MAPT: variants seen among roughly 807,000 people sequenced by gnomAD.
The protein encoded by MAPT is microtubule-associated protein tau.
In MAPT, 34 loss-of-function variants were observed where a neutral mutation model predicts 67.9. The ratio of observed to expected loss-of-function variants is 0.50; its 90% CI spans 0.38 to 0.67. The LOEUF (loss-of-function observed/expected upper bound fraction) is 0.67. MAPT is among the 30% of genes least tolerant of loss of function. MAPT has a pLI of 0.00. For missense variants in MAPT, 881 were observed against 1,115.2 expected (o/e 0.79, Z 2.99); for synonymous variants, 456 against 464.5 (o/e 0.98, Z 0.23).
intron 1 of MAPT, among the ~76,000 whole-genome samples, chr17:45,956,077 G>A (rs2069620918): frequency 6.6e-6 from 1 of 152,192 alleles, no homozygotes; most frequent in Admixed American, 6.5e-5. Flanking sequence ...CATTGAGAAC[G>A]GCTGAGACGC....
At chr17:46,005,690 C>T (rs549237358) in intron 9 of MAPT, among the ~76,000 whole-genome samples, 15 of 152,270 alleles carry the variant, frequency 9.9e-5, no homozygotes, top group East Asian at 3.9e-4. Context: ...GTGCAGAGGG[C>T]GACAGTGACT....
chr17:45,981,496 T>C (rs2072943240), intron 4 of MAPT, among the ~76,000 whole-genome samples: 1 of 152,196 alleles, frequency 6.6e-6, no homozygotes, highest in African/African-American at 2.4e-5. Context: ...GGGCCGTCAC[T>C]GTCTGCCGTG....
At chr17:45,904,372 T>G (rs1432931097) in intron 1 of MAPT, among the ~76,000 whole-genome samples, 2 of 104,612 alleles carry the variant, frequency 1.9e-5, no homozygotes. Flanking sequence ...ATATTAAATA[T>G]ATTTTATATA....
intron 1 of MAPT, among the ~76,000 whole-genome samples, chr17:45,948,894 T>C (rs1303170368): frequency 3.3e-5 from 5 of 152,202 alleles, no homozygotes; most frequent in Non-Finnish European, 7.3e-5. Context: ...AAAAATTACC[T>C]TGGAGAACAA....
At chr17:46,016,188 T>C (rs2076165528) in intron 11 of MAPT, among the ~76,000 whole-genome samples, 2 of 152,036 alleles carry the variant, frequency 1.3e-5, no homozygotes. Context: ...GGTCAGGAGT[T>C]GGAGATCAGC....
At chr17:45,938,055 G>A (rs2067513565) in intron 1 of MAPT, among the ~76,000 whole-genome samples, 1 of 152,132 alleles carries the variant, frequency 6.6e-6, no homozygotes, top group Non-Finnish European at 1.5e-5. Context: ...AAATCAAGTT[G>A]TCATTAAAGT....
chr17:45,931,858 AG>A (rs1388727427), intron 1 of MAPT: 1 of 152,304 alleles, frequency 6.6e-6, no homozygotes, highest in East Asian at 1.9e-4. Context: ...AGGCTGAGGC[AG>A]GCATATCGCT....
chr17:45,975,896 ACT>A (rs900181601), intron 3 of MAPT: 15 of 148,468 alleles, frequency 1.0e-4, no homozygotes, highest in Non-Finnish European at 1.3e-4. Context: ...TTTCAAGGAG[ACT>A]CTCTCTCTCT....
chr17:45,996,429 G>C lies in MAPT; in HGVS notation c.1763G>C (p.Gly588Ala). The C allele has an allele frequency of 6.2e-7, 1 of 1,612,766 alleles. No homozygotes were observed. Among genetic ancestry groups the C allele is most frequent in the African/African-American group, 1.3e-5 (1 of 74,996 alleles). ...CCTCCAAAATCAGGGGATCGCAGCG[G>C]CTACAGCAGCCCCGGCTCCCCAGGC... ...GEPPKSGDRS[G>A]YSSPGSPGTP... The change falls in exon 9 of 13, where the codon GGC becomes GCC. Residue 588 changes from glycine to alanine, a missense_variant. Gly to Ala is a moderately conservative substitution (Grantham distance 60, BLOSUM62 0). Around this residue, in one of 6 missense-constraint regions of MAPT, gnomAD observed 33 missense variants for 76.0 expected, o/e 0.43. Coordinates refer to ENST00000262410, the MANE Select transcript of MAPT (RefSeq NM_001377265.1). This position sits in a 1 kb window ranked among gnomAD's most constrained non-coding sequence, Gnocchi z 4.5.
intron 1 of MAPT, among the ~76,000 whole-genome samples, chr17:45,925,250 T>C (rs1328180748): frequency 6.6e-6 from 1 of 152,208 alleles, no homozygotes; most frequent in African/African-American, 2.4e-5. Flanking sequence ...TGCAGTGGTT[T>C]CTTCAGCCCC....
intron 1 of MAPT, among the ~76,000 whole-genome samples, chr17:45,918,670 A>C (rs1054327473): frequency 6.6e-6 from 1 of 152,210 alleles, no homozygotes; most frequent in African/African-American, 2.4e-5. Context: ...GTGGGTTCCA[A>C]GGTTACAAAG....
chr17:45,915,550 GTT>G lies in MAPT; in HGVS notation c.-18+20865_-18+20866del, dbSNP rs1185584332. ...GTGTGTGGTGTGTGTGAGCATGTGT[GTT>G]GTGTGTGTGGTGCATGTGTGTGGCG... On this transcript the variant is annotated intron_variant, in intron 1 of 12. Transcript: ENST00000262410. This position sits in a 1 kb window ranked among gnomAD's most constrained non-coding sequence, Gnocchi z 4.4. Among the ~76,000 whole-genome samples the G allele has an allele frequency of 6.7e-6, 1 of 150,038 alleles. No individual in the cohort carries two copies. The highest frequency in any genetic ancestry group is 2.5e-5 in the African/African-American group (1 of 40,730).
At chr17:45,965,519 G>A (rs1284297601) in intron 2 of MAPT, among the ~76,000 whole-genome samples, 4 of 151,164 alleles carry the variant, frequency 2.6e-5, no homozygotes, top group South Asian at 4.2e-4. Flanking sequence ...GGGTGCAAGC[G>A]ATTCTCCTGC....
intron 9 of MAPT, chr17:45,999,178 C>T (rs2074772506): frequency 6.7e-7 from 1 of 1,481,920 alleles, no homozygotes; most frequent in Non-Finnish European, 9.0e-7. Flanking sequence ...GTTCAGTTGC[C>T]ATCTCCTCCA....
chr17:46,012,905 C>T (rs994171485), intron 10 of MAPT, among the ~76,000 whole-genome samples: 14 of 152,066 alleles, frequency 9.2e-5, no homozygotes, highest in South Asian at 2.1e-4. Context: ...AGCCAGGCCG[C>T]GCGCCATCCA....
intron 1 of MAPT, chr17:45,907,618 C>T (rs1391419912): frequency 6.6e-6 from 1 of 152,196 alleles, no homozygotes; most frequent in Non-Finnish European, 1.5e-5. Context: ...GTCAGTTCTC[C>T]ACCTCCTAGC....
chr17:45,941,682 CCTTCCTTCCTTCCTTCCTGCCTG>C (rs1324249516), intron 1 of MAPT, among the ~76,000 whole-genome samples: 20 of 53,632 alleles, frequency 3.7e-4, no homozygotes, highest in Middle Eastern at 8.5e-3. Flanking sequence ...CCCCTTCCCT[CCTTCCTTCCTTCCTTCCTGCCTG>C]CCTTCCTTCC....
chr17:46,026,088 G>GA lies in MAPT; in HGVS notation c.*1935dup, dbSNP rs878859719. ...ACCAGAGTGACTATGATAGTGAAAA[G>GA]AAAAAAAAAAAAAAAAAAGGACGCA... On this transcript the variant is annotated 3_prime_UTR_variant, in exon 13 of 13. Coordinates refer to ENST00000262410, the MANE Select transcript of MAPT (RefSeq NM_001377265.1). 0.24 allele frequency: 22,333 copies of GA among 92,530 alleles called. 2,133 individuals carry two copies. Among genetic ancestry groups the GA allele is most frequent in the Non-Finnish European group, 0.3 (14,154 of 46,516 alleles). 5.7% of individuals were successfully genotyped at this position (92,530 alleles called of 1,614,324 possible). A position where few individuals can be genotyped will look rare whatever the true frequency, so the allele number is the denominator to read the frequency against.
intron 1 of MAPT, among the ~76,000 whole-genome samples, chr17:45,917,954 G>C (rs955686687): frequency 1.3e-5 from 2 of 152,078 alleles, no homozygotes; most frequent in Non-Finnish European, 2.9e-5. Context: ...TGTATTATTA[G>C]TAGAGACGGG....
Sources: gnomAD v4.1 joint callset for allele counts (sites outside exome capture counted in the v4.1 genomes callset) on GRCh38, gnomAD v4.1.1 for gene constraint, gnomAD v4.1.1 regional missense constraint, Gnocchi (gnomAD v3.1) non-coding constraint, MANE v1.5 for transcripts, NCBI Gene and HGNC (gene_info 2026-07-23, HGNC 2026-07-21) for gene names.